SNCAIP: variants seen among roughly 807,000 people sequenced by gnomAD.
SNCAIP encodes the protein synuclein alpha interacting protein.
In SNCAIP, 43 loss-of-function variants were observed where a neutral mutation model predicts 86.7. The ratio of observed to expected loss-of-function variants is 0.50; its 90% CI spans 0.39 to 0.64. The LOEUF is 0.64. SNCAIP is among the 30% of genes least tolerant of loss of function. The pLI, the probability that SNCAIP is intolerant of heterozygous loss-of-function variation, is 0.00. For synonymous variants in SNCAIP, 417 were observed against 427.2 expected, an observed-to-expected ratio of 0.98 and a Z score of 0.29; for missense variants, 981 against 1,103.1, an observed-to-expected ratio of 0.89 and a Z score of 1.57.
At chr5:122,436,993 T>C (rs1311177820) in intron 6 of SNCAIP, 1 of 152,166 alleles carries the variant, frequency 6.6e-6, no homozygotes, top group Non-Finnish European at 1.5e-5. Context: ...GATGATGAAA[T>C]GTAAGTTGGA....
chr5:122,394,411 T>G (rs1770135403), intron 2 of SNCAIP, among the ~76,000 whole-genome samples: 1 of 152,230 alleles, frequency 6.6e-6, no homozygotes, highest in Admixed American at 6.5e-5. Flanking sequence ...TAATTTATTT[T>G]GAAGTTTCCC....
At chr5:122,426,778 T>C (rs1483139286) in intron 5 of SNCAIP, among the ~76,000 whole-genome samples, 4 of 152,038 alleles carry the variant, frequency 2.6e-5, no homozygotes, top group Admixed American at 6.6e-5. Context: ...AGAACTAAAC[T>C]ACAGGCAGCT....
chr5:122,433,174 T>G (rs1238357797), intron 6 of SNCAIP, among the ~76,000 whole-genome samples: 1 of 151,770 alleles, frequency 6.6e-6, no homozygotes, highest in African/African-American at 2.4e-5. Flanking sequence ...TAAAAACATG[T>G]TTTTTATATG....
chr5:122,433,279 T>C (rs1014991109), intron 6 of SNCAIP, among the ~76,000 whole-genome samples: 21 of 152,116 alleles, frequency 1.4e-4, no homozygotes, highest in African/African-American at 3.9e-4. Context: ...AACAACCCTG[T>C]GAGAGCTTGT....
intron 1 of SNCAIP, among the ~76,000 whole-genome samples, chr5:122,346,429 T>A (rs1003977266): frequency 6.6e-6 from 1 of 152,182 alleles, no homozygotes; most frequent in Non-Finnish European, 1.5e-5. Flanking sequence ...GCTCTATATT[T>A]TCTAAGTATA....
rs1752334222 is a variant in SNCAIP, at chr5:122,318,765, A to C, written c.-47+6481A>C. Among the ~76,000 whole-genome samples, 4 of 152,264 alleles carry C rather than the reference A, an allele frequency of 2.6e-5. No homozygotes were observed. The South Asian group carries it at 8.3e-4, about 32-fold the overall frequency. The stretch of plus-strand genomic sequence containing the variant: ...CTTAAGGAGGAGGCTGGAAAATATC[A>C]GTGACCCAGAGTAAATCTCCAGGCT... On this transcript the variant is annotated intron_variant, in intron 1 of 10. Coordinates refer to ENST00000261368, the MANE Select transcript of SNCAIP (RefSeq NM_005460.4).
At chr5:122,397,919 A>G (rs542965339) in intron 2 of SNCAIP, among the ~76,000 whole-genome samples, 5 of 152,266 alleles carry the variant, frequency 3.3e-5, no homozygotes, top group Admixed American at 2.6e-4. Context: ...GGAATTTTAA[A>G]CAACAGTTGA....
chr5:122,411,320 A>G (rs1423435110), intron 3 of SNCAIP, among the ~76,000 whole-genome samples: 2 of 152,160 alleles, frequency 1.3e-5, no homozygotes, highest in East Asian at 1.9e-4. Flanking sequence ...ACAAGTCCCC[A>G]TCCTGTCACA....
chr5:122,372,461 A>G (rs1238238878), intron 1 of SNCAIP, among the ~76,000 whole-genome samples: 1 of 152,224 alleles, frequency 6.6e-6, no homozygotes. Context: ...AGTATAGGAC[A>G]GGATGATTGA....
At chr5:122,397,126 A>G (rs1450759811) in intron 2 of SNCAIP, among the ~76,000 whole-genome samples, 1 of 152,188 alleles carries the variant, frequency 6.6e-6, no homozygotes, top group Non-Finnish European at 1.5e-5. Context: ...AGAGACTGAT[A>G]TACAAAGGTT....
chr5:122,382,324 T>C (rs941590276), intron 1 of SNCAIP, among the ~76,000 whole-genome samples: 1 of 152,236 alleles, frequency 6.6e-6, no homozygotes, highest in African/African-American at 2.4e-5. Flanking sequence ...TTTCTTCCAG[T>C]TGATCGCATT....
chr5:122,436,940 A>G (rs1779622590), intron 6 of SNCAIP: 1 of 152,252 alleles, frequency 6.6e-6, no homozygotes, highest in African/African-American at 2.4e-5. Context: ...AGGAGTTTTC[A>G]GTCAGTACAT....
At chr5:122,442,437 A>G (rs1176373645) in intron 7 of SNCAIP, among the ~76,000 whole-genome samples, 2 of 152,228 alleles carry the variant, frequency 1.3e-5, no homozygotes, top group Non-Finnish European at 2.9e-5. Context: ...GATAGGAAAT[A>G]GTCCGGAGAG....
intron 1 of SNCAIP, among the ~76,000 whole-genome samples, chr5:122,375,008 G>A (rs1011117969): frequency 2.0e-5 from 3 of 151,998 alleles, no homozygotes; most frequent in Admixed American, 6.6e-5. Context: ...TCTACCCTAA[G>A]TGTCTTTAGT....
At chr5:122,407,734 AT>A (rs1773297300) in intron 3 of SNCAIP, among the ~76,000 whole-genome samples, 1 of 150,398 alleles carries the variant, frequency 6.6e-6, no homozygotes, top group Non-Finnish European at 1.5e-5. Context: ...AAAGTGAAAA[AT>A]ATAAGAGTTA....
intron 1 of SNCAIP, among the ~76,000 whole-genome samples, chr5:122,352,105 A>G (rs575938578): frequency 6.6e-6 from 1 of 152,214 alleles, no homozygotes; most frequent in Admixed American, 6.5e-5. Context: ...AGGTATTTTT[A>G]GTGAAAGTTA....
intron 1 of SNCAIP, among the ~76,000 whole-genome samples, chr5:122,334,089 C>T (rs185391670): frequency 1.8e-4 from 27 of 152,234 alleles, no homozygotes; most frequent in Admixed American, 3.3e-4. Context: ...GGCTTCAGTT[C>T]TCCAAAGAGG....
At chr5:122,421,973 AAC>A (rs761915366) in intron 3 of SNCAIP, among the ~76,000 whole-genome samples, 5 of 149,858 alleles carry the variant, frequency 3.3e-5, no homozygotes, top group Admixed American at 6.7e-5. Flanking sequence ...AATGCAAACC[AAC>A]ACACAATCTT....
At chr5:122,313,794 G>A (rs969451241) in intron 1 of SNCAIP, among the ~76,000 whole-genome samples, 12 of 152,196 alleles carry the variant, frequency 7.9e-5, no homozygotes, top group African/African-American at 2.7e-4. Context: ...TCTCTGGAAA[G>A]GGAGTATTAA....
Sources: allele counts gnomAD v4.1 joint callset (sites outside exome capture counted in the v4.1 genomes callset), GRCh38; gene constraint gnomAD v4.1.1; transcripts MANE v1.5; gene names NCBI Gene and HGNC (gene_info 2026-07-23, HGNC 2026-07-21).